Variants in TANC2 observed in about 807,000 individuals in gnomAD.
The protein encoded by TANC2 is protein TANC2.
Under a neutral mutation model 210.5 loss-of-function variants are expected in TANC2, and 26 were observed. The observed-to-expected ratio is 0.12, with a 90% confidence interval of 0.09 to 0.17. The LOEUF (loss-of-function observed/expected upper bound fraction) is 0.17. Ranked by LOEUF, TANC2 falls within the 10% of genes least tolerant of loss-of-function variation. The pLI, the probability that TANC2 is intolerant of heterozygous loss-of-function variation, is 1.00. For synonymous variants in TANC2, 931 were observed against 967.1 expected (o/e 0.96, Z 0.69); for missense variants, 2,129 against 2,608.9 (o/e 0.82, Z 4.01).
At chr17:63,208,270 A>G (rs1014463101) in intron 7 of TANC2, among the ~76,000 whole-genome samples, 1 of 152,220 alleles carries the variant, frequency 6.6e-6, no homozygotes, top group Admixed American at 6.5e-5. Flanking sequence ...AACTAGTTCC[A>G]TTACCATGTT....
intron 7 of TANC2, among the ~76,000 whole-genome samples, chr17:63,223,711 A>G (rs1365438851): frequency 6.6e-6 from 1 of 152,126 alleles, no homozygotes; most frequent in Non-Finnish European, 1.5e-5. Context: ...TGGCATTTGT[A>G]AACTGTCATG....
intron 6 of TANC2, among the ~76,000 whole-genome samples, chr17:63,199,558 G>T (rs1409993470): frequency 6.6e-6 from 1 of 151,576 alleles, no homozygotes; most frequent in Non-Finnish European, 1.5e-5. Context: ...AGCAGAGGTT[G>T]CAGTGAGTTG....
In TANC2 at chr17:63,047,103, C is replaced by T. The variant is rs79225682; in HGVS notation, c.68-26840C>T. Among the ~76,000 whole-genome samples the T allele has an allele frequency of 6.5e-3, 989 of 152,200 alleles. 8 individuals are homozygous for T. Among genetic ancestry groups the T allele is most frequent in the Admixed American group, 8.5e-3 (130 of 15,302 alleles). On this transcript the variant is annotated intron_variant, in intron 2 of 27. Transcript: ENST00000689528. ...ATTTTTATATCTTCATATACGAAGG[C>T]AGGGATTTTAGGTGAAAACTGTTTT...
chr17:63,289,073 C>T (rs531903829), intron 9 of TANC2, among the ~76,000 whole-genome samples: 3 of 152,222 alleles, frequency 2.0e-5, no homozygotes, highest in African/African-American at 4.8e-5. Flanking sequence ...CTTTGTTCCT[C>T]TATAGATGAG....
At chr17:63,314,763 T>C (rs1419411112) in intron 10 of TANC2, 94 bp downstream of exon 10, 26 of 1,473,882 alleles carry the variant, frequency 1.8e-5, no homozygotes, top group Admixed American at 4.1e-5. Flanking sequence ...TATTTTCTCA[T>C]CTGCAAAACC....
intron 8 of TANC2, among the ~76,000 whole-genome samples, chr17:63,266,750 C>T (rs1348075065): frequency 6.6e-6 from 1 of 152,082 alleles, no homozygotes; most frequent in Admixed American, 6.5e-5. Flanking sequence ...GGCCCAGCAG[C>T]CATAAAAAGA....
chr17:63,335,918 A>C (rs1011905392), intron 11 of TANC2, among the ~76,000 whole-genome samples: 5 of 152,264 alleles, frequency 3.3e-5, no homozygotes, highest in Admixed American at 2.0e-4. Context: ...TGTAAGTCTA[A>C]AGTTAGTTCA....
chr17:63,286,416 A>G (rs868162286), intron 9 of TANC2, among the ~76,000 whole-genome samples: 2 of 152,124 alleles, frequency 1.3e-5, no homozygotes, highest in African/African-American at 2.4e-5. Flanking sequence ...TTTCCTTTCC[A>G]TAATTTAAAA....
At chr17:63,136,177 C>T (rs981364790) in intron 4 of TANC2, among the ~76,000 whole-genome samples, 3 of 152,080 alleles carry the variant, frequency 2.0e-5, no homozygotes, top group Non-Finnish European at 4.4e-5. Flanking sequence ...TTAAGTTATT[C>T]AAAATCCCAT....
intron 2 of TANC2, among the ~76,000 whole-genome samples, chr17:63,036,421 G>A (rs2034974244): frequency 6.6e-6 from 1 of 152,080 alleles, no homozygotes; most frequent in Non-Finnish European, 1.5e-5. Context: ...TCAATTGACT[G>A]TATTTATTTA....
intron 4 of TANC2, chr17:63,149,130 G>A (rs897672592): frequency 6.6e-6 from 1 of 152,052 alleles, no homozygotes; most frequent in African/African-American, 2.4e-5. Context: ...TAAAGAAGTT[G>A]GTATACATCG....
At chr17:63,050,359 GAAA>G (rs755089558) in intron 2 of TANC2, among the ~76,000 whole-genome samples, 2 of 84,860 alleles carry the variant, frequency 2.4e-5, no homozygotes, top group African/African-American at 4.1e-5. Context: ...CCTGTTTCAA[GAAA>G]AAAAAAAAAA....
chr17:63,212,120 A>G (rs1203912428), intron 7 of TANC2, among the ~76,000 whole-genome samples: 2 of 152,198 alleles, frequency 1.3e-5, no homozygotes, highest in East Asian at 1.9e-4. Context: ...ATGAGTGAGA[A>G]CATGCAGTGT....
chr17:63,049,941 C>G (rs1598314855), intron 2 of TANC2, among the ~76,000 whole-genome samples: 2 of 152,018 alleles, frequency 1.3e-5, no homozygotes, highest in East Asian at 3.9e-4. Flanking sequence ...CGGTTTTTGG[C>G]TTATACAACC....
chr17:63,349,471 A>G (rs2046526914), intron 12 of TANC2, among the ~76,000 whole-genome samples: 1 of 152,196 alleles, frequency 6.6e-6, no homozygotes, highest in South Asian at 2.1e-4. Flanking sequence ...AAGGAGATAT[A>G]ATTGAAGGGC....
intron 8 of TANC2, among the ~76,000 whole-genome samples, chr17:63,253,354 T>C (rs918153004): frequency 2.6e-5 from 4 of 152,208 alleles, no homozygotes; most frequent in African/African-American, 9.6e-5. Context: ...CCTTGACAGA[T>C]GGATAGTTTG....
intron 6 of TANC2, 51 bp from the exon 7 acceptor site, chr17:63,200,720 C>T: frequency 6.8e-7 from 1 of 1,466,322 alleles, no homozygotes; most frequent in Non-Finnish European, 9.3e-7. Flanking sequence ...TTAAAATATA[C>T]TTTAACAGCT....
intron 1 of TANC2, among the ~76,000 whole-genome samples, chr17:62,984,151 T>G (rs1210748381): frequency 6.6e-6 from 1 of 152,096 alleles, no homozygotes; most frequent in East Asian, 1.9e-4. Context: ...GATTACTGAT[T>G]CAGTCTCAGT....
intron 3 of TANC2, among the ~76,000 whole-genome samples, chr17:63,083,068 T>G (rs1425826024): frequency 6.6e-6 from 1 of 152,194 alleles, no homozygotes; most frequent in African/African-American, 2.4e-5. Flanking sequence ...CTCTGTTATC[T>G]CTCCTTACAA....
Sources: allele counts gnomAD v4.1 joint callset (sites outside exome capture counted in the v4.1 genomes callset), GRCh38; gene constraint gnomAD v4.1.1; transcripts MANE v1.5; gene names NCBI Gene and HGNC (gene_info 2026-07-23, HGNC 2026-07-21).